Variants in PCDHA1 observed in about 807,000 individuals in gnomAD.
PCDHA1 encodes the protein protocadherin alpha 1, also known as protocadherin alpha-1.
PCDHA1 carries 42 observed loss-of-function variants against 61.3 expected under a neutral mutation model. That is an observed-to-expected ratio of 0.69 (90% CI 0.54 to 0.89). PCDHA1 has a LOEUF of 0.89. Ranked by LOEUF, PCDHA1 falls within the 40% of genes least tolerant of loss-of-function variation. PCDHA1 has a pLI of 0.00. For missense variants in PCDHA1, 1,256 were observed against 1,235.3 expected, an observed-to-expected ratio of 1.02 and a Z score of -0.25; for synonymous variants, 610 against 553.8, an observed-to-expected ratio of 1.10 and a Z score of -1.43.
chr5:140,950,071 T>C (rs560042578), intron 1 of PCDHA1, among the ~76,000 whole-genome samples: 20 of 152,098 alleles, frequency 1.3e-4, no homozygotes, highest in African/African-American at 4.8e-4. Context: ...TCCTGTGCCA[T>C]TGCTTATGCT....
intron 1 of PCDHA1, chr5:140,850,189 T>C: frequency 6.3e-7 from 1 of 1,593,496 alleles, no homozygotes; most frequent in South Asian, 1.1e-5. Flanking sequence ...GCGCCGGCGC[T>C]GCTGACACCT....
intron 1 of PCDHA1, among the ~76,000 whole-genome samples, chr5:140,934,142 T>C (rs1359446492): frequency 1.3e-5 from 2 of 152,170 alleles, no homozygotes; most frequent in African/African-American, 4.8e-5. Context: ...TTTCCTTCCT[T>C]ATATGTTTAT....
intron 1 of PCDHA1, chr5:140,828,694 C>T (rs2150157980): frequency 6.2e-7 from 1 of 1,614,198 alleles, no homozygotes; most frequent in South Asian, 1.1e-5. Context: ...AATCCTTGGA[C>T]AGAGAGGAAG....
intron 1 of PCDHA1, among the ~76,000 whole-genome samples, chr5:140,957,708 T>TA (rs1330263414): frequency 6.6e-6 from 1 of 152,124 alleles, no homozygotes; most frequent in Non-Finnish European, 1.5e-5. Context: ...ATGTAGTTTT[T>TA]ATTAAGAAAG....
Position 140,873,721 on chromosome 5 carries a change from C to T in PCDHA1, c.2394+85037C>T, listed in dbSNP as rs556752313. On this transcript the variant is annotated intron_variant, in intron 1 of 3. Coordinates refer to ENST00000504120, the MANE Select transcript of PCDHA1 (RefSeq NM_018900.4). ...TATCACCCAGGCTGGTGTGCAGTGG[C>T]GCAATCTCAGCTCACTGCAATCTCC... Among the ~76,000 whole-genome samples, 8 of 152,254 alleles carry T rather than the reference C, an allele frequency of 5.3e-5. No individual in the cohort carries two copies. In the South Asian group the frequency reaches 1.0e-3, roughly 20 times the overall value.
chr5:140,870,936 G>A (rs1554164882), intron 1 of PCDHA1: 5 of 1,613,820 alleles, frequency 3.1e-6, no homozygotes, highest in South Asian at 1.1e-5. Flanking sequence ...ATGAATTGCA[G>A]CCGGCGGCGG....
In PCDHA1 at chr5:141,009,796, T is replaced by C; in HGVS notation, c.2712T>C (p.Thr904=). The C allele has an allele frequency of 6.2e-7, 1 of 1,614,046 alleles. No individual in the cohort carries two copies. The highest frequency in any genetic ancestry group is 8.5e-7 in the Non-Finnish European group (1 of 1,180,016). Residue 904 remains threonine (T), a synonymous_variant, in exon 4 of 4, where the codon ACT becomes ACC. Coordinates refer to ENST00000504120, the MANE Select transcript of PCDHA1 (RefSeq NM_018900.4). ...PAIISIRQEP[T]NSQIDKSDFI... ...TCATCTCCATCCGGCAGGAGCCTACTAACAGCCAAATTGACAAAAGTGACT... is the reference window on the plus strand; with the variant it reads ...TCATCTCCATCCGGCAGGAGCCTACCAACAGCCAAATTGACAAAAGTGACT...
intron 1 of PCDHA1, chr5:140,795,105 C>G (rs782509619): frequency 3.1e-6 from 5 of 1,614,046 alleles, no homozygotes; most frequent in Middle Eastern, 1.7e-4. Context: ...TCGTGGGCCG[C>G]ATCGCGCAGG....
At chr5:140,803,750 T>G (rs1211633329) in intron 1 of PCDHA1, 3 of 1,306,342 alleles carry the variant, frequency 2.3e-6, no homozygotes, top group South Asian at 3.0e-5. Context: ...GTAAGATTTT[T>G]GTTGCTAATT....
intron 1 of PCDHA1, chr5:140,850,086 C>T (rs2150466254): frequency 1.1e-5 from 17 of 1,596,424 alleles, no homozygotes; most frequent in African/African-American, 2.7e-5. Context: ...GCTGGAGCTG[C>T]TACAGTTCCA....
At chr5:140,942,543 G>C (rs1272048967) in intron 1 of PCDHA1, among the ~76,000 whole-genome samples, 1 of 152,056 alleles carries the variant, frequency 6.6e-6, no homozygotes, top group Non-Finnish European at 1.5e-5. Flanking sequence ...GTATGGTGGG[G>C]GGTAGGGGGT....
At position 140,802,816 on chromosome 5, in the gene PCDHA1, C is replaced by G. The variant is rs991420459; in HGVS notation, c.2394+14132C>G. ...CAGTTCCAGGTGAGTGCGCGCGATG[C>G]GGGCGTGCCGCCTCTGGGCAGCAAC... On this transcript the variant is annotated intron_variant, in intron 1 of 3. Transcript: ENST00000504120. 11 of 1,613,234 alleles carry G rather than the reference C, an allele frequency of 6.8e-6. No individual in the cohort carries two copies. The highest frequency in any genetic ancestry group is 3.3e-5 in the Admixed American group (2 of 60,000).
intron 1 of PCDHA1, chr5:140,967,133 G>C: frequency 6.2e-7 from 1 of 1,611,928 alleles, no homozygotes; most frequent in East Asian, 2.2e-5. Flanking sequence ...CAGCTTGGAA[G>C]TGCTGGCGCA....
At chr5:140,836,414 G>A in intron 1 of PCDHA1, 3 of 1,613,824 alleles carry the variant, frequency 1.9e-6, no homozygotes, top group Non-Finnish European at 1.7e-6. Context: ...AGGCACCAAA[G>A]GCGTCGTCGC....
intron 1 of PCDHA1, among the ~76,000 whole-genome samples, chr5:140,820,130 T>G (rs1281249333): frequency 6.6e-6 from 1 of 152,018 alleles, no homozygotes; most frequent in African/African-American, 2.4e-5. Context: ...CATTGTGTAT[T>G]AAAATATTTC....
chr5:140,822,940 A>T, intron 1 of PCDHA1: 1 of 1,614,204 alleles, frequency 6.2e-7, no homozygotes, highest in Non-Finnish European at 8.5e-7. Flanking sequence ...CTGCTCCCTA[A>T]TGCCCCACGT....
At chr5:140,988,877 G>A (rs372950279) in intron 3 of PCDHA1, 8 of 152,310 alleles carry the variant, frequency 5.3e-5, no homozygotes, top group East Asian at 3.9e-4. Context: ...TCAGATGTAC[G>A]ATCCTGGATA....
intron 1 of PCDHA1, among the ~76,000 whole-genome samples, chr5:140,899,594 G>A (rs1583347259): frequency 1.3e-5 from 2 of 152,238 alleles, no homozygotes; most frequent in Non-Finnish European, 2.9e-5. Flanking sequence ...GTATTTTATT[G>A]AGGACTTTTG....
intron 1 of PCDHA1, among the ~76,000 whole-genome samples, chr5:140,916,255 C>G (rs1161014900): frequency 6.6e-6 from 1 of 152,144 alleles, no homozygotes. Context: ...ACTTGGGGAC[C>G]CCAAGAGCAT....
Sources: allele counts gnomAD v4.1 joint callset (sites outside exome capture counted in the v4.1 genomes callset), GRCh38; gene constraint gnomAD v4.1.1; transcripts MANE v1.5; gene names NCBI Gene and HGNC (gene_info 2026-07-23, HGNC 2026-07-21).